XKR4: variants seen among roughly 807,000 people sequenced by gnomAD.
XKR4 encodes the protein XK related 4, also known as XK-related protein 4.
XKR4 carries 12 observed loss-of-function variants against 53.9 expected under a neutral mutation model. That is an observed-to-expected ratio of 0.22 (90% CI 0.14 to 0.36). XKR4 has a LOEUF of 0.36. Among genes scored for constraint, XKR4 ranks in the 10% least tolerant of loss-of-function variants. The pLI is 1.00. For synonymous variants in XKR4, 354 were observed against 362.4 expected, an observed-to-expected ratio of 0.98 and a Z score of 0.26; for missense variants, 799 against 859.5, an observed-to-expected ratio of 0.93 and a Z score of 0.88.
chr8:55,220,829 T>G (rs1416013795), intron 1 of XKR4, among the ~76,000 whole-genome samples: 3 of 152,364 alleles, frequency 2.0e-5, no homozygotes, highest in South Asian at 2.1e-4. Flanking sequence ...ATTTTAATCT[T>G]TAATCATAAT....
intron 1 of XKR4, among the ~76,000 whole-genome samples, chr8:55,179,580 A>G (rs951859926): frequency 3.3e-5 from 5 of 152,216 alleles, no homozygotes; most frequent in African/African-American, 9.7e-5. Context: ...TTGAAGGAGT[A>G]TGTTTCAGCT....
At chr8:55,249,438 G>A (rs531945822) in intron 1 of XKR4, among the ~76,000 whole-genome samples, 20 of 152,274 alleles carry the variant, frequency 1.3e-4, no homozygotes, top group Non-Finnish European at 2.6e-4. Flanking sequence ...CCTCCTAGTC[G>A]AATCTGAATT....
chr8:55,507,224 AC>A (rs1806546481), intron 2 of XKR4, among the ~76,000 whole-genome samples: 1 of 152,140 alleles, frequency 6.6e-6, no homozygotes. Context: ...ACATGTATAA[AC>A]CCAGAGTTTT....
intron 2 of XKR4, among the ~76,000 whole-genome samples, chr8:55,403,502 C>A (rs974614624): frequency 7.2e-5 from 11 of 152,228 alleles, no homozygotes; most frequent in Non-Finnish European, 2.9e-5. Context: ...AAAAATATCA[C>A]CCGAATGCAG....
intron 2 of XKR4, among the ~76,000 whole-genome samples, chr8:55,421,710 T>C (rs1342108716): frequency 6.6e-6 from 1 of 152,240 alleles, no homozygotes; most frequent in African/African-American, 2.4e-5. Flanking sequence ...ACAGGCTAAA[T>C]TGCAATTCCT....
At chr8:55,292,700 T>G (rs1222639709) in intron 1 of XKR4, among the ~76,000 whole-genome samples, 2 of 152,182 alleles carry the variant, frequency 1.3e-5, no homozygotes, top group Non-Finnish European at 2.9e-5. Flanking sequence ...ACCTCTTTCT[T>G]TCTAGGTTCT....
intron 2 of XKR4, among the ~76,000 whole-genome samples, chr8:55,420,273 T>A (rs547925913): frequency 2.6e-5 from 4 of 152,266 alleles, no homozygotes; most frequent in Admixed American, 2.0e-4. Context: ...CAGAAAGATG[T>A]TTAGAAAGTT....
chr8:55,474,894 T>C (rs887773807), intron 2 of XKR4, among the ~76,000 whole-genome samples: 3 of 152,072 alleles, frequency 2.0e-5, no homozygotes, highest in African/African-American at 7.3e-5. Flanking sequence ...AACCAGTCTG[T>C]TAAAATGCAT....
Position 55,439,321 on chromosome 8 carries a change from C to A in XKR4, c.1006+81444C>A, listed in dbSNP as rs568839210. 1.7e-3 allele frequency among the ~76,000 whole-genome samples: 141 copies of A among 83,470 alleles called. 1 individual carries two copies. The highest frequency in any genetic ancestry group is 9.0e-3 in the African/African-American group (138 of 15,314). 54.8% of individuals were successfully genotyped at this position (83,470 alleles called of 152,430 possible). On this transcript the variant is annotated intron_variant, in intron 2 of 2. Coordinates refer to ENST00000327381, the MANE Select transcript of XKR4 (RefSeq NM_052898.2). Reference sequence around the variant, plus strand: ...CACGTATAAAGTCCCAAAGAAGATGCGCTCCTTCCCAATCAAAATTCTCTA... The same window carrying A: ...CACGTATAAAGTCCCAAAGAAGATGAGCTCCTTCCCAATCAAAATTCTCTA...
At chr8:55,408,101 T>A (rs1227424739) in intron 2 of XKR4, among the ~76,000 whole-genome samples, 2 of 152,176 alleles carry the variant, frequency 1.3e-5, no homozygotes, top group African/African-American at 4.8e-5. Flanking sequence ...TATGTGTCCC[T>A]GCAGTAAGCC....
chr8:55,474,035 G>T (rs189869603), intron 2 of XKR4, among the ~76,000 whole-genome samples: 10 of 151,980 alleles, frequency 6.6e-5, no homozygotes, highest in Non-Finnish European at 1.2e-4. Flanking sequence ...CTCTCCAGTA[G>T]CTAGGACTAT....
Position 55,523,279 on chromosome 8 carries a change from A to T in XKR4, c.1007-2A>T. 1 of 1,591,486 alleles carries T rather than the reference A, an allele frequency of 6.3e-7. No individual in the cohort carries two copies. Among genetic ancestry groups the T allele is most frequent in the Non-Finnish European group, 8.6e-7 (1 of 1,168,452 alleles). Reference sequence around the variant, plus strand: ...ACACTGTCTTCCTGTTTGCCTTTGTAGGTTTCACAGCGGCAGCTTCCCTCG... The same window carrying T: ...ACACTGTCTTCCTGTTTGCCTTTGTTGGTTTCACAGCGGCAGCTTCCCTCG... On this transcript the variant is annotated splice_acceptor_variant, in intron 2 of 2. Transcript: ENST00000327381. LOFTEE classifies it high-confidence loss of function.
intron 1 of XKR4, among the ~76,000 whole-genome samples, chr8:55,190,967 C>T (rs7836009): frequency 0.2 from 30,568 of 152,156 alleles, 3,163 homozygotes; most frequent in East Asian, 0.28. Context: ...CCAACCTTTT[C>T]GTTTTAGCAA....
chr8:55,202,651 A>C (rs924923448), intron 1 of XKR4, among the ~76,000 whole-genome samples: 1 of 152,320 alleles, frequency 6.6e-6, no homozygotes, highest in East Asian at 1.9e-4. Flanking sequence ...CTGTGCTGGG[A>C]TCTCAGCATA....
Position 55,177,219 on chromosome 8 carries a change from T to C in XKR4, c.806+73925T>C, listed in dbSNP as rs563907447. On this transcript the variant is annotated intron_variant, in intron 1 of 2. Transcript: ENST00000327381. ...ACCTGGCTAACTTTTGTATTTTTAG[T>C]AGAAACAGGGTTTCACCATGTTGGC... 1.7e-3 allele frequency among the ~76,000 whole-genome samples: 266 copies of C among 152,206 alleles called. 3 individuals carry two copies. In the South Asian group the frequency reaches 0.024, roughly 14 times the overall value.
intron 2 of XKR4, among the ~76,000 whole-genome samples, chr8:55,448,738 C>A (rs927255707): frequency 6.6e-6 from 1 of 152,208 alleles, no homozygotes; most frequent in African/African-American, 2.4e-5. Flanking sequence ...AGTAGTCAAC[C>A]TGGTAGGCTG....
chr8:55,165,422 AT>A (rs1585914993), intron 1 of XKR4, among the ~76,000 whole-genome samples: 1 of 152,090 alleles, frequency 6.6e-6, no homozygotes, highest in East Asian at 1.9e-4. Context: ...CAAATAAGAT[AT>A]TTTTGCCTGA....
chr8:55,284,040 T>G (rs981411241), intron 1 of XKR4, among the ~76,000 whole-genome samples: 1 of 152,232 alleles, frequency 6.6e-6, no homozygotes, highest in Non-Finnish European at 1.5e-5. Context: ...GGGTGCAACA[T>G]GCCTTCTCTT....
In XKR4 at chr8:55,537,113, C is replaced by A. The variant is rs183325849; in HGVS notation, c.*12886C>A. On this transcript the variant is annotated 3_prime_UTR_variant, in exon 3 of 3. Transcript: ENST00000327381. ...TATTTTTCCCAAAACAAACAAAATA[C>A]CATACATAGTTTTTTGGGTTTGGTT... The A allele has an allele frequency of 6.6e-6, 1 of 152,168 alleles. No homozygotes were observed. The highest frequency in any genetic ancestry group is 2.4e-5 in the African/African-American group (1 of 41,434). The allele number at this position is 152,168 out of a possible 1,614,324, so 9.4% of individuals were successfully genotyped here.
Sources: allele counts gnomAD v4.1 joint callset (sites outside exome capture counted in the v4.1 genomes callset), GRCh38; gene constraint gnomAD v4.1.1; transcripts MANE v1.5; gene names NCBI Gene and HGNC (gene_info 2026-07-23, HGNC 2026-07-21).